The following SNTG1 variants were observed in gnomAD, a reference collection of about 807,000 sequenced individuals.
SNTG1 encodes gamma-1-syntrophin.
SNTG1 carries 39 observed loss-of-function variants against 74.7 expected under a neutral mutation model. The ratio of observed to expected loss-of-function variants is 0.52; its 90% CI spans 0.40 to 0.68. The LOEUF (loss-of-function observed/expected upper bound fraction) is 0.68, where lower values mean the gene tolerates loss of function less well. Ranked by LOEUF, SNTG1 falls within the 30% of genes least tolerant of loss-of-function variation. SNTG1 has a pLI of 0.00. For synonymous variants in SNTG1, 254 were observed against 217.1 expected, an observed-to-expected ratio of 1.17 and a Z score of -1.49; for missense variants, 685 against 609.5, an observed-to-expected ratio of 1.12 and a Z score of -1.30.
intron 13 of SNTG1, among the ~76,000 whole-genome samples, chr8:50,600,268 G>C (rs978947689): frequency 6.6e-6 from 1 of 151,562 alleles, no homozygotes; most frequent in Admixed American, 6.6e-5. Flanking sequence ...TTTTTTTTCA[G>C]ATATGCCTTT....
At chr8:50,337,421 C>T (rs1020877243) in intron 2 of SNTG1, among the ~76,000 whole-genome samples, 5 of 152,274 alleles carry the variant, frequency 3.3e-5, no homozygotes, top group Non-Finnish European at 7.4e-5. Flanking sequence ...TGAGTTTTAC[C>T]TCCAGGAGAC....
intron 1 of SNTG1, among the ~76,000 whole-genome samples, chr8:50,078,458 A>T (rs1822103851): frequency 6.6e-6 from 1 of 152,196 alleles, no homozygotes; most frequent in Admixed American, 6.5e-5. Context: ...ACATTTCAGT[A>T]TATAAGTTTG....
chr8:50,029,596 C>G (rs1321013549), intron 1 of SNTG1, among the ~76,000 whole-genome samples: 1 of 152,138 alleles, frequency 6.6e-6, no homozygotes, highest in Non-Finnish European at 1.5e-5. Context: ...TGAGTGAGAA[C>G]ATGTGAAACT....
At chr8:50,329,997 G>A (rs2090901846) in intron 2 of SNTG1, among the ~76,000 whole-genome samples, 1 of 152,194 alleles carries the variant, frequency 6.6e-6, no homozygotes, top group South Asian at 2.1e-4. Context: ...ATTTGCTCCA[G>A]TTCCCAAGAA....
At chr8:50,265,847 C>T (rs374858295) in intron 2 of SNTG1, among the ~76,000 whole-genome samples, 1 of 150,892 alleles carries the variant, frequency 6.6e-6, no homozygotes, top group Non-Finnish European at 1.5e-5. Context: ...ACAATGATAT[C>T]AAAAAAATGA....
intron 15 of SNTG1, among the ~76,000 whole-genome samples, chr8:50,690,223 A>G (rs1168755533): frequency 6.6e-6 from 1 of 152,060 alleles, no homozygotes; most frequent in African/African-American, 2.4e-5. Context: ...TAATTTTTGA[A>G]GGTTTTTTTG....
At position 50,289,227 on chromosome 8, in the gene SNTG1, A is replaced by G. The variant is rs1475050824; in HGVS notation, c.-27-104985A>G. On this transcript the variant is annotated intron_variant, in intron 2 of 18. Coordinates refer to ENST00000642720, the MANE Select transcript of SNTG1 (RefSeq NM_018967.5). ...GTAACATAAAATTCACTAATCTGCT[A>G]TGTAATGTTTATGTGGATCCAGATG... 2.6e-5 allele frequency among the ~76,000 whole-genome samples: 4 copies of G among 152,150 alleles called. No individual in the cohort carries two copies. In the East Asian group the frequency reaches 7.7e-4, roughly 29 times the overall value.
intron 13 of SNTG1, among the ~76,000 whole-genome samples, chr8:50,593,543 A>C (rs1008844836): frequency 5.9e-5 from 9 of 152,128 alleles, no homozygotes; most frequent in Non-Finnish European, 1.3e-4. Context: ...AAATGAAAAA[A>C]AAACCTACAT....
intron 13 of SNTG1, among the ~76,000 whole-genome samples, chr8:50,655,790 A>G (rs1009081208): frequency 6.6e-6 from 1 of 152,198 alleles, no homozygotes; most frequent in Non-Finnish European, 1.5e-5. Flanking sequence ...TTAATGCTGC[A>G]AAACAAACCA....
At chr8:50,492,849 AGTTTTTATGGTTTTATGTATTAC>A (rs2093870306) in intron 8 of SNTG1, among the ~76,000 whole-genome samples, 2 of 152,180 alleles carry the variant, frequency 1.3e-5, no homozygotes, top group South Asian at 2.1e-4. Flanking sequence ...TTCCTTCTAG[AGTTTTTATGGTTTTATGTATTAC>A]GTTTAAGTCT....
chr8:50,591,899 T>C (rs2094694299), intron 13 of SNTG1, among the ~76,000 whole-genome samples: 1 of 152,212 alleles, frequency 6.6e-6, no homozygotes, highest in Admixed American at 6.5e-5. Context: ...GAGATGTACG[T>C]GTCTTGCCAC....
At chr8:50,475,125 C>T (rs955345237) in intron 8 of SNTG1, among the ~76,000 whole-genome samples, 18 of 150,994 alleles carry the variant, frequency 1.2e-4, no homozygotes, top group South Asian at 4.2e-4. Context: ...ATACTGAATG[C>T]TAAATGATGA....
intron 1 of SNTG1, among the ~76,000 whole-genome samples, chr8:50,088,712 C>T (rs1004293184): frequency 1.4e-5 from 2 of 142,706 alleles, no homozygotes; most frequent in African/African-American, 5.0e-5. Flanking sequence ...TGTGAAGGAC[C>T]TCTTCAAGGA....
chr8:50,670,538 A>C (rs1216425932), intron 15 of SNTG1, among the ~76,000 whole-genome samples: 3 of 150,106 alleles, frequency 2.0e-5, no homozygotes, highest in African/African-American at 7.5e-5. Context: ...CAAGGAAATG[A>C]AAGAGGATAC....
intron 1 of SNTG1, among the ~76,000 whole-genome samples, chr8:49,984,583 C>T (rs1812984902): frequency 1.3e-5 from 2 of 152,030 alleles, no homozygotes; most frequent in African/African-American, 4.8e-5. Flanking sequence ...TGTTTTACAC[C>T]TAAATGTATA....
chr8:50,244,103 G>A (rs1460989396), intron 2 of SNTG1, among the ~76,000 whole-genome samples: 3 of 152,116 alleles, frequency 2.0e-5, no homozygotes, highest in Non-Finnish European at 4.4e-5. Context: ...TTTACTCATA[G>A]CAGAAAGTGA....
At chr8:50,355,174 A>G (rs2091782820) in intron 2 of SNTG1, among the ~76,000 whole-genome samples, 1 of 152,146 alleles carries the variant, frequency 6.6e-6, no homozygotes, top group African/African-American at 2.4e-5. Context: ...CAAATATTTT[A>G]TTTTACAAAT....
chr8:50,390,374 G>C (rs938273487), intron 2 of SNTG1, among the ~76,000 whole-genome samples: 44 of 152,298 alleles, frequency 2.9e-4, no homozygotes, highest in South Asian at 2.1e-4. Flanking sequence ...AGATCAGATA[G>C]TTGTAGATGT....
intron 13 of SNTG1, among the ~76,000 whole-genome samples, chr8:50,636,820 A>G (rs2095042211): frequency 6.6e-6 from 1 of 152,186 alleles, no homozygotes; most frequent in Non-Finnish European, 1.5e-5. Context: ...AGGGCAATCA[A>G]TGGAAGCTGC....
Sources: gnomAD v4.1 joint callset for allele counts (sites outside exome capture counted in the v4.1 genomes callset) on GRCh38, gnomAD v4.1.1 for gene constraint, MANE v1.5 for transcripts, NCBI Gene and HGNC (gene_info 2026-07-23, HGNC 2026-07-21) for gene names.